EPC2: variants seen among roughly 807,000 people sequenced by gnomAD.
EPC2 encodes the protein enhancer of polycomb 2.
In EPC2, 14 loss-of-function variants were observed where a neutral mutation model predicts 92.1. The ratio of observed to expected loss-of-function variants is 0.15; its 90% confidence interval spans 0.10 to 0.24. The LOEUF (loss-of-function observed/expected upper bound fraction) is 0.24, where lower values mean the gene tolerates loss of function less well. Among genes scored for constraint, EPC2 ranks in the 10% least tolerant of loss-of-function variants. EPC2 has a pLI of 1.00. For synonymous variants in EPC2, 340 were observed against 334.7 expected (o/e 1.02, Z -0.17); for missense variants, 755 against 971.5 (o/e 0.78, Z 2.96).
At chr2:148,770,174 G>A (rs796287026) in intron 8 of EPC2, among the ~76,000 whole-genome samples, 1 of 151,976 alleles carries the variant, frequency 6.6e-6, no homozygotes, top group Non-Finnish European at 1.5e-5. Flanking sequence ...CAGCCTCCTG[G>A]GATTACAGGC....
At chr2:148,744,937 A>G (rs1233408273) in intron 3 of EPC2, among the ~76,000 whole-genome samples, 1 of 145,254 alleles carries the variant, frequency 6.9e-6, no homozygotes, top group East Asian at 2.0e-4. Context: ...CAAGCTCTTC[A>G]GAGCATTTTC....
intron 2 of EPC2, among the ~76,000 whole-genome samples, chr2:148,739,833 C>CTTTTTTTCTTTTTTTT (rs1682845143): frequency 1.2e-5 from 1 of 81,296 alleles, no homozygotes; most frequent in Non-Finnish European, 2.2e-5. Flanking sequence ...TCTTCTTCTT[C>CTTTTTTTCTTTTTTTT]TTTTTTTTTT....
chr2:148,651,825 A>G (rs1286733257), intron 1 of EPC2, among the ~76,000 whole-genome samples: 1 of 152,198 alleles, frequency 6.6e-6, no homozygotes, highest in Non-Finnish European at 1.5e-5. Flanking sequence ...AGAGTAGGAC[A>G]TATAGGTGTT....
intron 2 of EPC2, among the ~76,000 whole-genome samples, chr2:148,731,004 C>T (rs1313736588): frequency 6.6e-6 from 1 of 152,144 alleles, no homozygotes; most frequent in Non-Finnish European, 1.5e-5. Flanking sequence ...TAATTTATAT[C>T]TCTTGCAGTT....
At chr2:148,743,902 C>A (rs757663816) in intron 3 of EPC2, 135 bp downstream of exon 3, 2 of 633,788 alleles carry the variant, frequency 3.2e-6, no homozygotes, top group Non-Finnish European at 5.0e-6. Flanking sequence ...TTACAATGTT[C>A]CGTGAGTGGA....
chr2:148,698,332 A>G (rs1380820738), intron 2 of EPC2, among the ~76,000 whole-genome samples: 1 of 152,054 alleles, frequency 6.6e-6, no homozygotes, highest in Non-Finnish European at 1.5e-5. Context: ...TTTTCTCATT[A>G]CTGGCTTAAG....
chr2:148,715,507 C>T (rs1188191672), intron 2 of EPC2, among the ~76,000 whole-genome samples: 1 of 152,086 alleles, frequency 6.6e-6, no homozygotes, highest in Non-Finnish European at 1.5e-5. Context: ...TTGTTTTTGT[C>T]AGGTTTGTTG....
chr2:148,758,486 C>T (rs1461089955), intron 4 of EPC2, among the ~76,000 whole-genome samples: 1 of 152,068 alleles, frequency 6.6e-6, no homozygotes, highest in Non-Finnish European at 1.5e-5. Flanking sequence ...ACCTCTGCCT[C>T]CTGGGTTCAA....
intron 1 of EPC2, among the ~76,000 whole-genome samples, chr2:148,664,105 G>A (rs911380570): frequency 8.5e-5 from 13 of 152,136 alleles, no homozygotes; most frequent in Non-Finnish European, 1.5e-4. Context: ...TAGGCATACT[G>A]TTGTGTATTA....
chr2:148,778,820 G>A (rs1399619222), intron 10 of EPC2, among the ~76,000 whole-genome samples: 1 of 152,072 alleles, frequency 6.6e-6, no homozygotes, highest in Non-Finnish European at 1.5e-5. Context: ...TAATAATAAA[G>A]AGCTAGATGT....
At chr2:148,666,917 T>C (rs1272264751) in intron 1 of EPC2, among the ~76,000 whole-genome samples, 1 of 151,986 alleles carries the variant, frequency 6.6e-6, no homozygotes, top group Non-Finnish European at 1.5e-5. Context: ...TCTAAAATGC[T>C]GATTATCTGT....
chr2:148,662,635 G>A (rs1024525401), intron 1 of EPC2, among the ~76,000 whole-genome samples: 4 of 152,056 alleles, frequency 2.6e-5, no homozygotes, highest in Admixed American at 6.6e-5. Flanking sequence ...CATGGACACA[G>A]GAAGGGGACC....
At chr2:148,744,841 A>G (rs1682949646) in intron 3 of EPC2, among the ~76,000 whole-genome samples, 1 of 152,006 alleles carries the variant, frequency 6.6e-6, no homozygotes, top group Non-Finnish European at 1.5e-5. Context: ...TTTTTACAGT[A>G]GATTGTTAAA....
At chr2:148,736,630 C>T (rs906844768) in intron 2 of EPC2, among the ~76,000 whole-genome samples, 4 of 152,090 alleles carry the variant, frequency 2.6e-5, no homozygotes, top group African/African-American at 9.7e-5. Context: ...ATTACGATTT[C>T]TCTAATTCAA....
chr2:148,718,865 C>G (rs557333790), intron 2 of EPC2, among the ~76,000 whole-genome samples: 2 of 152,214 alleles, frequency 1.3e-5, no homozygotes, highest in African/African-American at 4.8e-5. Flanking sequence ...CCATCACTTT[C>G]AGGTACCTCA....
At chr2:148,686,751 AGTT>A (rs1455217286) in intron 1 of EPC2, among the ~76,000 whole-genome samples, 1 of 152,174 alleles carries the variant, frequency 6.6e-6, no homozygotes, top group Admixed American at 6.5e-5. Flanking sequence ...ATTGTTGGGT[AGTT>A]GTATTTTAAA....
chr2:148,748,534 C>G (rs896751676), intron 3 of EPC2, among the ~76,000 whole-genome samples: 42 of 152,148 alleles, frequency 2.8e-4, no homozygotes, highest in African/African-American at 8.9e-4. Flanking sequence ...TATACCTTAT[C>G]CAAAATGTTT....
intron 1 of EPC2, among the ~76,000 whole-genome samples, chr2:148,668,291 C>A (rs1681091902): frequency 6.6e-6 from 1 of 152,004 alleles, no homozygotes; most frequent in Non-Finnish European, 1.5e-5. Context: ...TGGAATAACC[C>A]CATTTGGTCA....
rs531672215 is a variant in EPC2, at chr2:148,666,538, A to G, written c.153+21368A>G. ...CAGAAAAATTAAAGATATAGAAAAT[A>G]CAAGTTCACACTTTTAAAATTATTA... On this transcript the variant is annotated intron_variant, in intron 1 of 13. Transcript: ENST00000258484. Among the ~76,000 whole-genome samples the G allele has an allele frequency of 2.0e-5, 3 of 152,364 alleles. No homozygotes were observed. The East Asian group carries it at 5.8e-4, about 29-fold the overall frequency.
Sources: allele counts gnomAD v4.1 joint callset (sites outside exome capture counted in the v4.1 genomes callset), GRCh38; gene constraint gnomAD v4.1.1; transcripts MANE v1.5; gene names NCBI Gene and HGNC (gene_info 2026-07-23, HGNC 2026-07-21).